CARF: variants seen among roughly 807,000 people sequenced by gnomAD.
CARF encodes the protein calcium-responsive transcription factor.
CARF carries 57 observed loss-of-function variants against 82.0 expected under a neutral mutation model. That is an observed-to-expected ratio of 0.70 (90% CI 0.56 to 0.87). CARF has a LOEUF of 0.87. Among genes scored for constraint, CARF ranks in the 40% least tolerant of loss-of-function variants. The pLI is 0.00. For synonymous variants in CARF, 268 were observed against 290.1 expected, an observed-to-expected ratio of 0.92 and a Z score of 0.77; for missense variants, 771 against 855.8, an observed-to-expected ratio of 0.90 and a Z score of 1.24.
chr2:202,974,751 T>A (rs1348477048), intron 13 of CARF, among the ~76,000 whole-genome samples: 1 of 151,564 alleles, frequency 6.6e-6, no homozygotes, highest in Non-Finnish European at 1.5e-5. Flanking sequence ...ATACAAAGAT[T>A]GGGTGGGCGT....
At chr2:202,965,867 G>T (rs747873748) in intron 9 of CARF, among the ~76,000 whole-genome samples, 2 of 152,070 alleles carry the variant, frequency 1.3e-5, no homozygotes, top group African/African-American at 2.4e-5. Context: ...TATCCCAAAC[G>T]TAGTGGCTGA....
chr2:202,951,455 A>G (rs1354875874), intron 5 of CARF, among the ~76,000 whole-genome samples: 1 of 152,174 alleles, frequency 6.6e-6, no homozygotes, highest in Non-Finnish European at 1.5e-5. Context: ...TGTTACCTGC[A>G]CTAAAGAGGT....
intron 3 of CARF, 130 bp from the exon 4 acceptor site, chr2:202,941,730 A>G: frequency 2.1e-6 from 1 of 471,428 alleles, no homozygotes; most frequent in Admixed American, 3.5e-5. Context: ...TTTTTAATCT[A>G]TAGAATGGAA....
chr2:202,956,220 C>T (rs1339488977), intron 8 of CARF, among the ~76,000 whole-genome samples: 2 of 151,800 alleles, frequency 1.3e-5, no homozygotes, highest in African/African-American at 4.8e-5. Flanking sequence ...ATTTTCAAGT[C>T]CGTATCACCA....
At chr2:202,965,285 G>A (rs184443740) in intron 9 of CARF, among the ~76,000 whole-genome samples, 19 of 152,012 alleles carry the variant, frequency 1.2e-4, no homozygotes, top group East Asian at 3.9e-4. Flanking sequence ...ATACCTCCTC[G>A]GTGTGCTGTG....
intron 6 of CARF, among the ~76,000 whole-genome samples, chr2:202,953,128 T>A (rs2058833064): frequency 6.6e-6 from 1 of 152,110 alleles, no homozygotes; most frequent in African/African-American, 2.4e-5. Context: ...CAAGCAATTC[T>A]CCTGCCTCAG....
In CARF at chr2:202,987,733, G is replaced by A. The variant is rs1374299392; in HGVS notation, c.*4109G>A. Reference sequence around the variant, plus strand: ...TAATATGGAAAACCTTTGGTAATGTGATTTGGGTATAAGAATACTAAAACC... The same window carrying A: ...TAATATGGAAAACCTTTGGTAATGTAATTTGGGTATAAGAATACTAAAACC... On this transcript the variant is annotated 3_prime_UTR_variant, in exon 17 of 17. Coordinates refer to ENST00000438828, the MANE Select transcript of CARF (RefSeq NM_024744.17). 1.3e-5 allele frequency among the ~76,000 whole-genome samples: 2 copies of A among 152,184 alleles called. No homozygotes were observed. The highest frequency in any genetic ancestry group is 4.8e-5 in the African/African-American group (2 of 41,440).
chr2:202,917,210 CAAAA>C lies in CARF; in HGVS notation c.-329-644_-329-641del, dbSNP rs71034203. Among the ~76,000 whole-genome samples, 275 of 46,912 alleles carry C rather than the reference CAAAA, an allele frequency of 5.9e-3. 2 individuals carry two copies. Among genetic ancestry groups the C allele is most frequent in the African/African-American group, 0.027 (264 of 9,746 alleles). The allele number at this position is 46,912 out of a possible 152,430, so 30.8% of individuals were successfully genotyped here. On this transcript the variant is annotated intron_variant, in intron 1 of 16. Coordinates refer to ENST00000438828, the MANE Select transcript of CARF (RefSeq NM_024744.17). ...TGGGCGACAGAGCGAGACTCCGTCT[CAAAA>C]AAAAAAAAAAAAAAAAAAAAAAGCG... is the stretch of plus-strand genomic sequence containing the variant.
chr2:202,937,850 C>G (rs1239976335), intron 3 of CARF, among the ~76,000 whole-genome samples: 1 of 151,892 alleles, frequency 6.6e-6, no homozygotes. Flanking sequence ...GTCTCAAACT[C>G]CTGACCTCAG....
intron 1 of CARF, among the ~76,000 whole-genome samples, chr2:202,916,014 C>G (rs1321649799): frequency 3.9e-5 from 6 of 151,966 alleles, no homozygotes; most frequent in Admixed American, 1.3e-4. Flanking sequence ...AATAAATTAT[C>G]CTATTAAAAT....
At chr2:202,954,853 CAA>C (rs879734415) in intron 7 of CARF, among the ~76,000 whole-genome samples, 1 of 139,546 alleles carries the variant, frequency 7.2e-6, no homozygotes. Flanking sequence ...ACTAAAAATA[CAA>C]AAAAAAAAAT....
intron 5 of CARF, among the ~76,000 whole-genome samples, chr2:202,948,655 G>T (rs2058615774): frequency 6.6e-6 from 1 of 152,142 alleles, no homozygotes; most frequent in Non-Finnish European, 1.5e-5. Context: ...CTTGGTTGTT[G>T]TTGGTATATT....
intron 10 of CARF, among the ~76,000 whole-genome samples, chr2:202,968,318 C>G (rs1306710075): frequency 6.6e-6 from 1 of 152,142 alleles, no homozygotes; most frequent in Admixed American, 6.5e-5. Context: ...AGGAGAATCG[C>G]TTGAATCCAG....
At chr2:202,930,087 G>A (rs193186059) in intron 3 of CARF, among the ~76,000 whole-genome samples, 10 of 152,014 alleles carry the variant, frequency 6.6e-5, no homozygotes, top group African/African-American at 1.9e-4. Flanking sequence ...TCAATCTGTC[G>A]CCCAGGCTGG....
At chr2:202,983,101 G>T (rs2060333577) in intron 16 of CARF, among the ~76,000 whole-genome samples, 1 of 151,812 alleles carries the variant, frequency 6.6e-6, no homozygotes, top group Non-Finnish European at 1.5e-5. Flanking sequence ...GGCTGGTCTT[G>T]AACTCCTGGG....
At chr2:202,955,864 AT>A in intron 8 of CARF, 106 bp downstream of exon 8, 1 of 669,358 alleles carries the variant, frequency 1.5e-6, no homozygotes, top group South Asian at 2.5e-5. Context: ...TAGTTACAGT[AT>A]TTTGTTTGTG....
At chr2:202,953,970 A>G (rs2058896537) in intron 6 of CARF, 35 bp from the exon 7 acceptor site, 1 of 1,568,434 alleles carries the variant, frequency 6.4e-7, no homozygotes, top group Non-Finnish European at 8.6e-7. Flanking sequence ...TATTCAAGAT[A>G]TTGATGTTAC....
chr2:202,961,488 T>G (rs1012481373), intron 9 of CARF, 62 bp downstream of exon 9: 2 of 1,451,546 alleles, frequency 1.4e-6, no homozygotes, highest in Non-Finnish European at 1.9e-6. Context: ...TGTCAAAATG[T>G]GATTTTCCTA....
chr2:202,958,296 TC>T (rs1223404128), intron 8 of CARF, among the ~76,000 whole-genome samples: 3 of 146,838 alleles, frequency 2.0e-5, no homozygotes, highest in Non-Finnish European at 3.0e-5. Flanking sequence ...TAGCTTTTTG[TC>T]CCCCTACCTT....
Sources: gnomAD v4.1 joint callset for allele counts (sites outside exome capture counted in the v4.1 genomes callset) on GRCh38, gnomAD v4.1.1 for gene constraint, MANE v1.5 for transcripts, NCBI Gene and HGNC (gene_info 2026-07-23, HGNC 2026-07-21) for gene names.